Variants in DLGAP1 observed in about 807,000 individuals in gnomAD.
DLGAP1 encodes DLG associated protein 1, also known as disks large-associated protein 1.
Under a neutral mutation model 90.8 loss-of-function variants are expected in DLGAP1, and 11 were observed. That is an observed-to-expected ratio of 0.12 (90% CI 0.08 to 0.20). The LOEUF (loss-of-function observed/expected upper bound fraction) is 0.20. DLGAP1 is among the 10% of genes least tolerant of loss of function. The probability of loss-of-function intolerance (pLI) is 1.00; values close to 1 mark genes in which losing one functional copy is unlikely to be tolerated. For synonymous variants in DLGAP1, 558 were observed against 540.7 expected (o/e 1.03, Z -0.44); for missense variants, 1,050 against 1,333.8 (o/e 0.79, Z 3.31).
chr18:3,538,875 A>G (rs74496296), intron 9 of DLGAP1, among the ~76,000 whole-genome samples: 11,101 of 152,282 alleles, frequency 0.073, 1,039 homozygotes, highest in African/African-American at 0.22. Flanking sequence ...CCGCATTCCT[A>G]ACAGCCATCT....
intron 1 of DLGAP1, among the ~76,000 whole-genome samples, chr18:4,331,050 T>C (rs1380388440): frequency 2.0e-5 from 3 of 151,994 alleles, no homozygotes; most frequent in Non-Finnish European, 2.9e-5. Context: ...AGGACTGGAA[T>C]GTCCTCTTAA....
At position 3,711,404 on chromosome 18, in the gene DLGAP1, T is replaced by A. The variant is rs2061592413; in HGVS notation, c.1591+17731A>T. ...CTGTTTATAAAATGTATATGCCCAA[T>A]TAGTCTATTGGAACAAAAATAGAAT... is the stretch of plus-strand genomic sequence containing the variant. On this transcript the variant is annotated intron_variant, in intron 7 of 12. Transcript: ENST00000315677. The surrounding 1 kb of genome is among the most constrained non-coding windows in gnomAD (Gnocchi z 4.0). Among the ~76,000 whole-genome samples the A allele has an allele frequency of 6.6e-6, 1 of 152,224 alleles. No individual in the cohort carries two copies. Among genetic ancestry groups the A allele is most frequent in the African/African-American group, 2.4e-5 (1 of 41,456 alleles).
intron 7 of DLGAP1, among the ~76,000 whole-genome samples, chr18:3,675,552 T>C (rs773936678): frequency 4.3e-4 from 65 of 152,252 alleles, no homozygotes; most frequent in Admixed American, 1.4e-3. Flanking sequence ...TCCAAAGATC[T>C]GTTGCTAATA....
At chr18:3,821,370 A>T (rs938818140) in intron 4 of DLGAP1, among the ~76,000 whole-genome samples, 1 of 151,716 alleles carries the variant, frequency 6.6e-6, no homozygotes, top group Non-Finnish European at 1.5e-5. Context: ...TTTGTCTGAC[A>T]TCAAAGCTTT....
chr18:4,411,024 G>A (rs900414320), intron 1 of DLGAP1, among the ~76,000 whole-genome samples: 1 of 152,198 alleles, frequency 6.6e-6, no homozygotes, highest in Admixed American at 6.6e-5. Flanking sequence ...CATCTCTGGA[G>A]AACAGTCCTT....
chr18:4,253,071 G>A (rs1387079953), intron 1 of DLGAP1, among the ~76,000 whole-genome samples: 3 of 152,164 alleles, frequency 2.0e-5, no homozygotes, highest in East Asian at 1.9e-4. Context: ...GCGGTGTTAC[G>A]TAGCTGTATA....
intron 5 of DLGAP1, among the ~76,000 whole-genome samples, chr18:3,772,348 C>T (rs1315362038): frequency 9.0e-4 from 2 of 2,232 alleles, no homozygotes; most frequent in African/African-American, 1.4e-3. Context: ...CTCTCTCTCT[C>T]TTTCTTTCTT....
intron 10 of DLGAP1, among the ~76,000 whole-genome samples, chr18:3,532,862 G>A (rs563601322): frequency 6.6e-6 from 1 of 152,274 alleles, no homozygotes; most frequent in East Asian, 1.9e-4. Context: ...CAGAATTGTT[G>A]AAAACATGTA....
At chr18:3,969,653 A>G (rs2073403938) in intron 3 of DLGAP1, among the ~76,000 whole-genome samples, 1 of 152,138 alleles carries the variant, frequency 6.6e-6, no homozygotes, top group Non-Finnish European at 1.5e-5. Flanking sequence ...AATCCTACCA[A>G]AGAAATTAGC....
intron 1 of DLGAP1, among the ~76,000 whole-genome samples, chr18:4,372,809 T>G (rs2081943950): frequency 6.6e-6 from 1 of 151,718 alleles, no homozygotes; most frequent in Non-Finnish European, 1.5e-5. Context: ...ACACTTCTAA[T>G]CCCAGCTACT....
At chr18:4,159,587 GTGT>G (rs988193605) in intron 1 of DLGAP1, among the ~76,000 whole-genome samples, 1 of 152,102 alleles carries the variant, frequency 6.6e-6, no homozygotes, top group African/African-American at 2.4e-5. Flanking sequence ...GAATGAACCT[GTGT>G]TGTTCATCTG....
chr18:4,444,058 T>C (rs2083601148), intron 1 of DLGAP1, among the ~76,000 whole-genome samples: 1 of 151,994 alleles, frequency 6.6e-6, no homozygotes, highest in South Asian at 2.1e-4. Flanking sequence ...ACACACACAA[T>C]AGAGAGGCAG....
intron 1 of DLGAP1, among the ~76,000 whole-genome samples, chr18:4,412,557 T>A (rs981154278): frequency 2.6e-5 from 4 of 152,064 alleles, no homozygotes; most frequent in African/African-American, 9.7e-5. Context: ...GCTGAGAGGA[T>A]GGGTTCAGGG....
chr18:3,598,793 T>C (rs1414585872), intron 7 of DLGAP1, among the ~76,000 whole-genome samples: 2 of 150,292 alleles, frequency 1.3e-5, no homozygotes, highest in African/African-American at 2.5e-5. Context: ...TAAGTGTCCC[T>C]TAAAGACTGT....
At chr18:4,351,884 C>G (rs1381122221) in intron 1 of DLGAP1, among the ~76,000 whole-genome samples, 1 of 152,194 alleles carries the variant, frequency 6.6e-6, no homozygotes, top group Non-Finnish European at 1.5e-5. Flanking sequence ...ATATTTCAAA[C>G]ACTCAAATGT....
chr18:4,338,946 T>C (rs1053993795), intron 1 of DLGAP1, among the ~76,000 whole-genome samples: 1 of 152,226 alleles, frequency 6.6e-6, no homozygotes, highest in African/African-American at 2.4e-5. Context: ...AATAACTTAT[T>C]ATACAAGTGC....
intron 1 of DLGAP1, among the ~76,000 whole-genome samples, chr18:4,382,070 C>G (rs2082135110): frequency 6.6e-6 from 1 of 152,094 alleles, no homozygotes; most frequent in South Asian, 2.1e-4. Flanking sequence ...TTATTTCCCA[C>G]TAGGTCCCTC....
At chr18:4,381,727 T>C (rs190065814) in intron 1 of DLGAP1, among the ~76,000 whole-genome samples, 1 of 152,222 alleles carries the variant, frequency 6.6e-6, no homozygotes, top group East Asian at 1.9e-4. Context: ...GTTTAGGAGA[T>C]CTTTCTTGAT....
At chr18:3,562,336 A>C (rs2054174346) in intron 9 of DLGAP1, among the ~76,000 whole-genome samples, 1 of 152,024 alleles carries the variant, frequency 6.6e-6, no homozygotes, top group Non-Finnish European at 1.5e-5. Flanking sequence ...TGGGCAACTG[A>C]TATGGTTTTG....
Sources: gnomAD v4.1 joint callset for allele counts (sites outside exome capture counted in the v4.1 genomes callset) on GRCh38, gnomAD v4.1.1 for gene constraint, Gnocchi (gnomAD v3.1) non-coding constraint, MANE v1.5 for transcripts, NCBI Gene and HGNC (gene_info 2026-07-23, HGNC 2026-07-21) for gene names.